The following FAM20A variants were observed in gnomAD, a reference collection of about 807,000 sequenced individuals.
FAM20A encodes the protein FAM20A golgi associated secretory pathway pseudokinase.
In FAM20A, 42 loss-of-function variants were observed where a neutral mutation model predicts 52.0. That is an observed-to-expected ratio of 0.81 (90% CI 0.63 to 1.04). FAM20A has a LOEUF of 1.04. Ranked by LOEUF, FAM20A falls within the 50% of genes least tolerant of loss-of-function variation. The pLI, the probability that FAM20A is intolerant of heterozygous loss-of-function variation, is 0.00. For synonymous variants in FAM20A, 304 were observed against 298.9 expected, an observed-to-expected ratio of 1.02 and a Z score of -0.18; for missense variants, 742 against 712.7, an observed-to-expected ratio of 1.04 and a Z score of -0.47.
intron 6 of FAM20A, 143 bp from the exon 7 acceptor site, chr17:68,542,308 C>G (rs761790229): frequency 3.3e-5 from 32 of 968,178 alleles, no homozygotes; most frequent in Non-Finnish European, 4.7e-5. Flanking sequence ...GAAACATTGA[C>G]TTTTCCAGAA....
chr17:68,589,901 C>A (rs2088257503), intron 1 of FAM20A, among the ~76,000 whole-genome samples: 1 of 152,124 alleles, frequency 6.6e-6, no homozygotes, highest in South Asian at 2.1e-4. Context: ...CAATCAATTT[C>A]TATATATTAT....
intron 1 of FAM20A, among the ~76,000 whole-genome samples, chr17:68,566,890 T>C (rs1402151631): frequency 1.3e-5 from 2 of 152,242 alleles, no homozygotes; most frequent in Non-Finnish European, 2.9e-5. Flanking sequence ...TCTTTCAAAA[T>C]TTAAGGAACT....
chr17:68,547,395 C>T (rs1159848421), intron 4 of FAM20A, among the ~76,000 whole-genome samples: 1 of 152,180 alleles, frequency 6.6e-6, no homozygotes. Context: ...TCTTCTCTAG[C>T]TATGGGGAAA....
At chr17:68,572,509 G>A (rs987954305) in intron 1 of FAM20A, among the ~76,000 whole-genome samples, 1 of 152,166 alleles carries the variant, frequency 6.6e-6, no homozygotes, top group Non-Finnish European at 1.5e-5. Flanking sequence ...GGGCCAAGAA[G>A]GGCATGGGCT....
intron 6 of FAM20A, 36 bp from the exon 7 acceptor site, chr17:68,542,201 A>T: frequency 6.2e-7 from 1 of 1,610,062 alleles, no homozygotes; most frequent in Non-Finnish European, 8.5e-7. Context: ...GAGTAAGTGG[A>T]GGGCTCTGGA....
At chr17:68,546,558 T>G (rs1024138993) in intron 4 of FAM20A, among the ~76,000 whole-genome samples, 1 of 151,954 alleles carries the variant, frequency 6.6e-6, no homozygotes, top group African/African-American at 2.4e-5. Context: ...TGGCTGGGCG[T>G]GGTGGCTCGC....
intron 3 of FAM20A, among the ~76,000 whole-genome samples, chr17:68,553,190 T>C (rs2086922991): frequency 6.6e-6 from 1 of 152,140 alleles, no homozygotes; most frequent in African/African-American, 2.4e-5. Flanking sequence ...TATAAGGGGC[T>C]CTTCCCCCTT....
At chr17:68,548,294 C>A (rs558553272) in intron 4 of FAM20A, among the ~76,000 whole-genome samples, 15 of 152,066 alleles carry the variant, frequency 9.9e-5, no homozygotes, top group African/African-American at 3.1e-4. Flanking sequence ...CTTTGGGAGG[C>A]TGAGGTGGGC....
At position 68,537,675 on chromosome 17, in the gene FAM20A, C is replaced by G; in HGVS notation, c.1428G>C (p.Val476=). The change falls in exon 11 of 11, where the codon GTG becomes GTC. Residue 476 remains valine (V), a synonymous_variant. Coordinates refer to ENST00000592554, the MANE Select transcript of FAM20A (RefSeq NM_017565.4). The surrounding 1 kb of genome is among the most constrained non-coding windows in gnomAD (Gnocchi z 4.2). ...GGTCTTCCAGCAGTGATTCTCGCAT[C>G]ACATCGCTGAGTCTGTAGTCAGCTT... The part of the protein sequence containing the change: ...LAQADYRLSD[V]MRESLLEDQL... 1 of 1,613,740 alleles carries G rather than the reference C, an allele frequency of 6.2e-7. No homozygotes were observed. Among genetic ancestry groups the G allele is most frequent in the Non-Finnish European group, 8.5e-7 (1 of 1,179,848 alleles).
In FAM20A at chr17:68,537,072, A is replaced by G. The variant is rs1271226840; in HGVS notation, c.*405T>C. ...ATAGGCCAGGTGTTTTGTCTGGACC[A>G]GGAGTTATCTTTGACTTGTAGCTAG... On this transcript the variant is annotated 3_prime_UTR_variant, in exon 11 of 11. Transcript: ENST00000592554. The surrounding 1 kb of genome is among the most constrained non-coding windows in gnomAD (Gnocchi z 4.2). 4.4e-6 allele frequency: 2 copies of G among 459,138 alleles called. No homozygotes were observed. The highest frequency in any genetic ancestry group is 4.0e-5 in the African/African-American group (2 of 50,268). The allele number at this position is 459,138 out of a possible 1,614,324, so 28.4% of individuals were successfully genotyped here.
Position 68,600,926 on chromosome 17 carries a change from T to G in FAM20A, c.-260A>C. The G allele has an allele frequency of 1.2e-5, 5 of 414,102 alleles. No homozygotes were observed. Among genetic ancestry groups the G allele is most frequent in the East Asian group, 7.9e-5 (2 of 25,384 alleles). 25.7% of individuals were successfully genotyped at this position (414,102 alleles called of 1,614,324 possible). ...CGCCGAGTGAGCCGAGGGAATGGGG[T>G]TCCCGGGGTGCCCGCTTCTTGCGCC... On this transcript the variant is annotated 5_prime_UTR_variant, in exon 1 of 11. Transcript: ENST00000592554. This position sits in a 1 kb window ranked among gnomAD's most constrained non-coding sequence, Gnocchi z 6.2.
In FAM20A at chr17:68,600,252, G is replaced by A; in HGVS notation, c.404+11C>T. ...GCGCCCGCTCTCCCGCGTCCCGGGC[G>A]GGGTCCTCACCTGTTCCAGCGGGCC... On this transcript the variant is annotated intron_variant, in intron 1 of 10. Transcript: ENST00000592554. This position sits in a 1 kb window ranked among gnomAD's most constrained non-coding sequence, Gnocchi z 6.2. 6.4e-7 allele frequency: 1 copy of A among 1,556,598 alleles called. No homozygotes were observed. Among genetic ancestry groups the A allele is most frequent in the South Asian group, 1.2e-5 (1 of 84,482 alleles).
rs2286556 is a variant in FAM20A at position 68,537,838 on chromosome 17, C to T, written c.1362-97G>A. ...ACAAACAGCTGTTGTAGCTGATACT[C>T]TTGGCGCCTCTCCTTGTGTCTTCTC... On this transcript the variant is annotated intron_variant, in intron 10 of 10. Coordinates refer to ENST00000592554, the MANE Select transcript of FAM20A (RefSeq NM_017565.4). The surrounding 1 kb of genome is among the most constrained non-coding windows in gnomAD (Gnocchi z 4.2). The T allele has an allele frequency of 7.4e-7, 1 of 1,346,136 alleles. No homozygotes were observed. The highest frequency in any genetic ancestry group is 1.5e-5 in the African/African-American group (1 of 68,850). The allele number at this position is 1,346,136 out of a possible 1,614,324, so 83.4% of individuals were successfully genotyped here. A position where few individuals can be genotyped will look rare whatever the true frequency, so the allele number is the denominator to read the frequency against.
intron 1 of FAM20A, among the ~76,000 whole-genome samples, chr17:68,572,981 T>C (rs1392009030): frequency 1.3e-5 from 2 of 152,176 alleles, no homozygotes; most frequent in Non-Finnish European, 2.9e-5. Flanking sequence ...CCTTCTCATG[T>C]CACCTCCCCA....
At chr17:68,560,512 CTT>C (rs2087184491) in intron 1 of FAM20A, among the ~76,000 whole-genome samples, 1 of 152,104 alleles carries the variant, frequency 6.6e-6, no homozygotes, top group Admixed American at 6.5e-5. Context: ...AAATAAATTT[CTT>C]TTGTTTATAA....
chr17:68,546,596 C>G (rs989874678), intron 4 of FAM20A, among the ~76,000 whole-genome samples: 1 of 151,162 alleles, frequency 6.6e-6, no homozygotes, highest in African/African-American at 2.5e-5. Context: ...TTTGGGAGGC[C>G]GAGGCGGGCG....
chr17:68,540,291 T>C (rs1160233024), intron 8 of FAM20A, among the ~76,000 whole-genome samples: 1 of 152,214 alleles, frequency 6.6e-6, no homozygotes, highest in Non-Finnish European at 1.5e-5. Flanking sequence ...GACATTGGCT[T>C]TCCTCAGCCC....
chr17:68,574,578 C>T (rs146771923), intron 1 of FAM20A, among the ~76,000 whole-genome samples: 256 of 152,236 alleles, frequency 1.7e-3, no homozygotes, highest in African/African-American at 5.3e-3. Flanking sequence ...GCATTCAAAC[C>T]GTAACATCAT....
Position 68,590,741 on chromosome 17 carries a change from T to C in FAM20A, c.404+9522A>G, listed in dbSNP as rs182841434. Among the ~76,000 whole-genome samples, 45 of 152,300 alleles carry C rather than the reference T, an allele frequency of 3.0e-4. 1 individual carries two copies. The East Asian group carries it at 8.5e-3, about 29-fold the overall frequency. ...AACTTTCTGGTACCATGTTAGTCACTAAAGCCCCTCCACCACCCTGTCAGT... is the reference window on the plus strand; with the variant it reads ...AACTTTCTGGTACCATGTTAGTCACCAAAGCCCCTCCACCACCCTGTCAGT... On this transcript the variant is annotated intron_variant, in intron 1 of 10. Transcript: ENST00000592554.
Sources: allele counts gnomAD v4.1 joint callset (sites outside exome capture counted in the v4.1 genomes callset), GRCh38; gene constraint gnomAD v4.1.1; non-coding constraint Gnocchi (gnomAD v3.1); transcripts MANE v1.5; gene names NCBI Gene and HGNC (gene_info 2026-07-23, HGNC 2026-07-21).